MSRA: variants seen among roughly 807,000 people sequenced by gnomAD.
The protein encoded by MSRA is methionine sulfoxide reductase A, also known as mitochondrial peptide methionine sulfoxide reductase.
MSRA carries 54 observed loss-of-function variants against 31.3 expected under a neutral mutation model. The ratio of observed to expected loss-of-function variants is 1.73; its 90% CI spans 1.39 to 2.17. The LOEUF is 2.17. Among genes scored for constraint, MSRA ranks in the 30% most tolerant of loss-of-function variants. MSRA has a pLI of 0.00. For synonymous variants in MSRA, 169 were observed against 116.5 expected, an observed-to-expected ratio of 1.45 and a Z score of -2.90; for missense variants, 507 against 300.9, an observed-to-expected ratio of 1.69 and a Z score of -5.07.
At chr8:10,083,453 A>G (rs1372502853) in intron 1 of MSRA, among the ~76,000 whole-genome samples, 2 of 152,248 alleles carry the variant, frequency 1.3e-5, no homozygotes, top group African/African-American at 4.8e-5. Context: ...TTTACTCACA[A>G]TGATGGAGAA....
At chr8:10,133,697 C>A (rs892793706) in intron 1 of MSRA, among the ~76,000 whole-genome samples, 4 of 152,158 alleles carry the variant, frequency 2.6e-5, no homozygotes, top group Non-Finnish European at 5.9e-5. Flanking sequence ...AAGCATGTGG[C>A]CTGGCACAGG....
At chr8:10,157,436 A>T (rs138645366) in intron 1 of MSRA, among the ~76,000 whole-genome samples, 1 of 152,166 alleles carries the variant, frequency 6.6e-6, no homozygotes, top group South Asian at 2.1e-4. Flanking sequence ...CTAAAATAGC[A>T]TGACATTTTC....
chr8:10,105,021 G>T (rs1268478592), intron 1 of MSRA, among the ~76,000 whole-genome samples: 1 of 152,140 alleles, frequency 6.6e-6, no homozygotes, highest in Non-Finnish European at 1.5e-5. Flanking sequence ...TATTGGTATA[G>T]CTGATTACTT....
chr8:10,359,152 T>C lies in MSRA; in HGVS notation c.543+39163T>C, dbSNP rs539233919. Among the ~76,000 whole-genome samples the C allele has an allele frequency of 2.6e-4, 40 of 152,352 alleles. No individual in the cohort carries two copies. The South Asian group carries it at 3.9e-3, about 15-fold the overall frequency. On this transcript the variant is annotated intron_variant, in intron 5 of 5. Transcript: ENST00000317173. ...ATTTCAGGGAAGTTGTCTTCAGTTA[T>C]GTACTTTAACAGTGTTCTGTCCCCT...
intron 3 of MSRA, among the ~76,000 whole-genome samples, chr8:10,279,731 C>T (rs1799517609): frequency 6.6e-6 from 1 of 152,222 alleles, no homozygotes. Context: ...CAACGTCTGA[C>T]ACCTGAATGT....
At chr8:10,369,789 T>G (rs968169261) in intron 5 of MSRA, among the ~76,000 whole-genome samples, 2 of 152,244 alleles carry the variant, frequency 1.3e-5, no homozygotes, top group Non-Finnish European at 2.9e-5. Context: ...AAATACTCTT[T>G]AAAAACAGTC....
chr8:10,065,800 C>G (rs142942905), intron 1 of MSRA, among the ~76,000 whole-genome samples: 18 of 152,104 alleles, frequency 1.2e-4, no homozygotes, highest in African/African-American at 4.3e-4. Flanking sequence ...GTATTGTTTA[C>G]TTTATGTGTT....
At chr8:10,222,201 T>C (rs1251446826) in intron 2 of MSRA, among the ~76,000 whole-genome samples, 1 of 152,160 alleles carries the variant, frequency 6.6e-6, no homozygotes. Context: ...CTTTTGGCTT[T>C]TGAACGTAAC....
At chr8:10,120,203 C>G (rs545732529) in intron 1 of MSRA, among the ~76,000 whole-genome samples, 1 of 152,282 alleles carries the variant, frequency 6.6e-6, no homozygotes, top group South Asian at 2.1e-4. Flanking sequence ...CACACAGAGA[C>G]TGTCCTGCAG....
Position 10,273,383 on chromosome 8 carries a change from C to T in MSRA, c.332-28151C>T, listed in dbSNP as rs528735594. On this transcript the variant is annotated intron_variant, in intron 3 of 5. Transcript: ENST00000317173. ...TCACTTAGACATTAGTTACTTCTAC[C>T]CCCTAGTAGTTGTGCAACTATGGAT... Among the ~76,000 whole-genome samples, 84 of 152,218 alleles carry T rather than the reference C, an allele frequency of 5.5e-4. 1 individual carries two copies. In the South Asian group the frequency reaches 0.017, roughly 31 times the overall value.
intron 4 of MSRA, among the ~76,000 whole-genome samples, chr8:10,303,704 C>T (rs1800971608): frequency 1.3e-5 from 2 of 152,118 alleles, no homozygotes; most frequent in South Asian, 4.1e-4. Context: ...GTGGCCTCCC[C>T]ACAGGTGAGG....
At chr8:10,189,227 G>C (rs1388705748) in intron 1 of MSRA, among the ~76,000 whole-genome samples, 1 of 152,054 alleles carries the variant, frequency 6.6e-6, no homozygotes, top group Non-Finnish European at 1.5e-5. Context: ...TGGTGAGCTT[G>C]GTAAACTTTT....
intron 3 of MSRA, among the ~76,000 whole-genome samples, chr8:10,263,586 A>G (rs1277308110): frequency 6.6e-6 from 1 of 152,174 alleles, no homozygotes; most frequent in African/African-American, 2.4e-5. Context: ...ATCCTTCTTC[A>G]GTCTTCTCTC....
At chr8:10,239,977 C>G (rs1180044944) in intron 2 of MSRA, among the ~76,000 whole-genome samples, 1 of 152,162 alleles carries the variant, frequency 6.6e-6, no homozygotes, top group Admixed American at 6.5e-5. Context: ...GACGGCAGTT[C>G]CTGGTGACGT....
At chr8:10,147,712 A>G (rs1450703872) in intron 1 of MSRA, among the ~76,000 whole-genome samples, 3 of 152,034 alleles carry the variant, frequency 2.0e-5, no homozygotes, top group Non-Finnish European at 4.4e-5. Context: ...AGGGTGCTCA[A>G]CCACCAGCTC....
chr8:10,097,347 G>A (rs1249032452), intron 1 of MSRA, among the ~76,000 whole-genome samples: 11 of 152,036 alleles, frequency 7.2e-5, no homozygotes, highest in Non-Finnish European at 1.6e-4. Flanking sequence ...TATACACTAC[G>A]TCGCTGATAC....
intron 2 of MSRA, among the ~76,000 whole-genome samples, chr8:10,211,546 C>A (rs975255640): frequency 5.3e-5 from 8 of 152,142 alleles, no homozygotes; most frequent in African/African-American, 1.9e-4. Context: ...ACACATTTTG[C>A]AATTACTTCC....
chr8:10,118,941 G>A (rs994810711), intron 1 of MSRA, among the ~76,000 whole-genome samples: 2 of 152,148 alleles, frequency 1.3e-5, no homozygotes, highest in South Asian at 2.1e-4. Flanking sequence ...TGGCTTTCCT[G>A]GTCCAGCCCG....
chr8:10,330,643 A>T (rs1802641486), intron 5 of MSRA, among the ~76,000 whole-genome samples: 1 of 152,224 alleles, frequency 6.6e-6, no homozygotes, highest in South Asian at 2.1e-4. Flanking sequence ...AGAAGCTCAC[A>T]TGTGACAAAT....
Sources: allele counts gnomAD v4.1 joint callset (sites outside exome capture counted in the v4.1 genomes callset), GRCh38; gene constraint gnomAD v4.1.1; transcripts MANE v1.5; gene names NCBI Gene and HGNC (gene_info 2026-07-23, HGNC 2026-07-21).